The following NOL4 variants were observed in gnomAD, a reference collection of about 807,000 sequenced individuals.
NOL4 encodes cancer/testis antigen 125.
In NOL4, 17 loss-of-function variants were observed where a neutral mutation model predicts 75.9. That is an observed-to-expected ratio of 0.22 (90% CI 0.15 to 0.34). NOL4 has a LOEUF of 0.34. Among genes scored for constraint, NOL4 ranks in the 10% least tolerant of loss-of-function variants. The pLI, the probability that NOL4 is intolerant of heterozygous loss-of-function variation, is 1.00. For missense variants in NOL4, 614 were observed against 793.5 expected, an observed-to-expected ratio of 0.77 and a Z score of 2.72; for synonymous variants, 292 against 289.9, an observed-to-expected ratio of 1.01 and a Z score of -0.07.
chr18:33,972,377 CT>C (rs2071139268), intron 6 of NOL4, among the ~76,000 whole-genome samples: 1 of 152,054 alleles, frequency 6.6e-6, no homozygotes, highest in South Asian at 2.1e-4. Flanking sequence ...CTTAGCCTTA[CT>C]AATTATCCGA....
intron 5 of NOL4, among the ~76,000 whole-genome samples, chr18:34,021,587 A>G (rs2075040213): frequency 6.6e-6 from 1 of 152,208 alleles, no homozygotes; most frequent in Admixed American, 6.5e-5. Context: ...TATTTCAAAT[A>G]GACTATTCTG....
At chr18:33,924,339 G>C (rs1039628308) in intron 9 of NOL4, among the ~76,000 whole-genome samples, 4 of 152,190 alleles carry the variant, frequency 2.6e-5, no homozygotes, top group Non-Finnish European at 5.9e-5. Context: ...CCTTGGTTCT[G>C]ACCATATTGT....
intron 2 of NOL4, among the ~76,000 whole-genome samples, chr18:34,106,060 C>T (rs1051472774): frequency 2.0e-5 from 3 of 151,978 alleles, no homozygotes; most frequent in African/African-American, 7.2e-5. Flanking sequence ...ATAGCACTAA[C>T]ATTTTACATG....
rs1441006185 is a variant in NOL4 at position 34,046,073 on chromosome 18, T to G, written c.773-26472A>C. Among the ~76,000 whole-genome samples the G allele has an allele frequency of 2.0e-5, 3 of 152,100 alleles. No homozygotes were observed. In the East Asian group the frequency reaches 5.8e-4, roughly 29 times the overall value. On this transcript the variant is annotated intron_variant, in intron 5 of 10. Transcript: ENST00000261592. Reference sequence around the variant, plus strand: ...AGGTTTCTGTTGTAAATTTCCTGTCTATTCCTTCCTCTTGCCCTTTTCTGT... The same window carrying G: ...AGGTTTCTGTTGTAAATTTCCTGTCGATTCCTTCCTCTTGCCCTTTTCTGT...
chr18:34,054,462 A>T (rs1234636856), intron 5 of NOL4, among the ~76,000 whole-genome samples: 1 of 151,798 alleles, frequency 6.6e-6, no homozygotes, highest in Non-Finnish European at 1.5e-5. Context: ...TGATATTATT[A>T]TTTGTCTCTT....
chr18:34,170,218 C>T (rs1236381026), intron 1 of NOL4, among the ~76,000 whole-genome samples: 1 of 149,890 alleles, frequency 6.7e-6, no homozygotes, highest in Non-Finnish European at 1.5e-5. Context: ...ATTCTCGTTG[C>T]CCAGGCTGAA....
In NOL4 at chr18:34,097,953, T is replaced by C. The variant is rs529882919; in HGVS notation, c.640-4356A>G. 3.3e-5 allele frequency among the ~76,000 whole-genome samples: 5 copies of C among 152,340 alleles called. No homozygotes were observed. In the East Asian group the frequency reaches 9.6e-4, roughly 29 times the overall value. On this transcript the variant is annotated intron_variant, in intron 4 of 10. Transcript: ENST00000261592. ...TATAAGAAGGTCAAATGATCTCATA[T>C]TGGATACAGTATTTTGTAAAATCTT...
intron 1 of NOL4, among the ~76,000 whole-genome samples, chr18:34,203,338 T>C (rs573161366): frequency 8.2e-4 from 125 of 151,976 alleles, no homozygotes; most frequent in African/African-American, 2.9e-3. Flanking sequence ...GGGTTCCTTG[T>C]GGTATTAGAA....
chr18:34,137,153 A>G (rs2080925532), intron 1 of NOL4, among the ~76,000 whole-genome samples: 2 of 152,156 alleles, frequency 1.3e-5, no homozygotes, highest in African/African-American at 4.8e-5. Flanking sequence ...ATTAAATTAA[A>G]TGATCAATGT....
chr18:34,102,290 C>A (rs145556449), intron 4 of NOL4, among the ~76,000 whole-genome samples: 1 of 152,068 alleles, frequency 6.6e-6, no homozygotes, highest in African/African-American at 2.4e-5. Context: ...TCAGGAGGAC[C>A]AGATACATGT....
At chr18:33,956,651 A>C (rs192476945) in intron 8 of NOL4, among the ~76,000 whole-genome samples, 1 of 152,296 alleles carries the variant, frequency 6.6e-6, no homozygotes, top group East Asian at 1.9e-4. Context: ...GTGAAATAGA[A>C]TAAAGTTTAA....
intron 5 of NOL4, among the ~76,000 whole-genome samples, chr18:34,050,513 C>A (rs2076583855): frequency 1.3e-5 from 2 of 151,974 alleles, no homozygotes; most frequent in South Asian, 4.2e-4. Context: ...CTAGCTTCCC[C>A]AAGAAGACAA....
intron 1 of NOL4, chr18:34,222,516 C>T: frequency 1.1e-6 from 1 of 909,712 alleles, no homozygotes; most frequent in South Asian, 5.1e-5. Flanking sequence ...GCTAGCGCTA[C>T]ATTCGGGCTT....
intron 6 of NOL4, among the ~76,000 whole-genome samples, chr18:34,002,876 A>T (rs1185705527): frequency 6.6e-6 from 1 of 152,102 alleles, no homozygotes; most frequent in Non-Finnish European, 1.5e-5. Context: ...ATTTTACTCT[A>T]CTGTAATTGA....
intron 2 of NOL4, among the ~76,000 whole-genome samples, chr18:34,120,550 A>G (rs1422191331): frequency 6.6e-6 from 1 of 152,182 alleles, no homozygotes; most frequent in South Asian, 2.1e-4. Flanking sequence ...CAAATTTACA[A>G]TAAAAGTAGG....
At chr18:34,024,190 A>ATATATATATATATATATATAT (rs1322401512) in intron 5 of NOL4, among the ~76,000 whole-genome samples, 4 of 69,660 alleles carry the variant, frequency 5.7e-5, no homozygotes, top group Admixed American at 1.4e-4. Flanking sequence ...GGAAAAAAAA[A>ATATATATATATATATATATAT]AAAAATATAT....
chr18:34,020,662 A>C (rs1050041583), intron 5 of NOL4, among the ~76,000 whole-genome samples: 1 of 152,302 alleles, frequency 6.6e-6, no homozygotes, highest in African/African-American at 2.4e-5. Context: ...GTAGTTATTC[A>C]ATATTGCATT....
intron 5 of NOL4, among the ~76,000 whole-genome samples, chr18:34,039,524 T>C (rs80071288): frequency 2.4e-4 from 36 of 152,178 alleles, no homozygotes; most frequent in Non-Finnish European, 4.0e-4. Flanking sequence ...CATTTCTGTA[T>C]AAAGTTAAGA....
intron 9 of NOL4, among the ~76,000 whole-genome samples, chr18:33,889,577 A>G (rs1481632173): frequency 6.6e-6 from 1 of 152,144 alleles, no homozygotes; most frequent in Non-Finnish European, 1.5e-5. Context: ...TGGTAGAGAC[A>G]CATCAAAAAA....
Sources: allele counts gnomAD v4.1 joint callset (sites outside exome capture counted in the v4.1 genomes callset), GRCh38; gene constraint gnomAD v4.1.1; transcripts MANE v1.5; gene names NCBI Gene and HGNC (gene_info 2026-07-23, HGNC 2026-07-21).